Variants in RABGAP1 observed in about 807,000 individuals in gnomAD.
The protein encoded by RABGAP1 is rab GTPase-activating protein 1.
In RABGAP1, 23 loss-of-function variants were observed where a neutral mutation model predicts 137.6. The ratio of observed to expected loss-of-function variants is 0.17; its 90% CI spans 0.12 to 0.24. The LOEUF (loss-of-function observed/expected upper bound fraction) is 0.24, where lower values mean the gene tolerates loss of function less well. Ranked by LOEUF, RABGAP1 falls within the 10% of genes least tolerant of loss-of-function variation. RABGAP1 has a pLI of 1.00. For missense variants in RABGAP1, 906 were observed against 1,275.8 expected (o/e 0.71, Z 4.42); for synonymous variants, 451 against 450.7 (o/e 1.00, Z -0.01).
At chr9:122,975,934 T>C (rs903157165) in intron 2 of RABGAP1, among the ~76,000 whole-genome samples, 9 of 152,296 alleles carry the variant, frequency 5.9e-5, no homozygotes, top group African/African-American at 1.7e-4. Flanking sequence ...AAGCCAGATA[T>C]GTCTTACTTG....
chr9:122,959,023 C>CCTTACT (rs1834698034), intron 2 of RABGAP1, among the ~76,000 whole-genome samples: 1 of 151,804 alleles, frequency 6.6e-6, no homozygotes, highest in African/African-American at 2.4e-5. Flanking sequence ...AAGAAAAAAC[C>CCTTACT]CTTACTCTTA....
At chr9:123,076,113 G>T in intron 17 of RABGAP1, 132 bp from the exon 18 acceptor site, 1 of 909,370 alleles carries the variant, frequency 1.1e-6, no homozygotes, top group East Asian at 2.9e-5. Context: ...TATTTTTCAA[G>T]GTAGTTCTGA....
chr9:123,078,503 G>A (rs991981476), intron 19 of RABGAP1, among the ~76,000 whole-genome samples: 1 of 152,132 alleles, frequency 6.6e-6, no homozygotes, highest in East Asian at 1.9e-4. Flanking sequence ...CTCCCTGATC[G>A]TTAAGTAGAT....
intron 1 of RABGAP1, among the ~76,000 whole-genome samples, chr9:122,947,250 TTG>T (rs1564349811): frequency 6.6e-6 from 1 of 152,176 alleles, no homozygotes; most frequent in Non-Finnish European, 1.5e-5. Flanking sequence ...ATGATAAATA[TTG>T]TGTAATTCCA....
chr9:122,941,126 C>G (rs542764589), intron 1 of RABGAP1, 33 bp downstream of exon 1: 1 of 152,474 alleles, frequency 6.6e-6, no homozygotes, highest in Admixed American at 6.5e-5. Flanking sequence ...CCTCCTCCCA[C>G]CCTCCTACCT....
intron 13 of RABGAP1, chr9:123,020,872 A>G: frequency 2.3e-6 from 2 of 885,870 alleles, no homozygotes; most frequent in Non-Finnish European, 2.7e-6. Context: ...TCTTTAATCT[A>G]AACCATATTC....
chr9:122,943,180 C>T (rs985377741), intron 1 of RABGAP1, among the ~76,000 whole-genome samples: 1 of 145,194 alleles, frequency 6.9e-6, no homozygotes, highest in East Asian at 2.1e-4. Context: ...GTTCAAGGAA[C>T]TGATTCTCCT....
intron 12 of RABGAP1, 92 bp from the exon 13 acceptor site, chr9:123,020,217 G>T: frequency 1.7e-6 from 2 of 1,158,468 alleles, no homozygotes; most frequent in Non-Finnish European, 1.1e-6. Flanking sequence ...TCACGTATTT[G>T]TAAGCCATTT....
chr9:122,987,075 T>A (rs143881823), intron 4 of RABGAP1, among the ~76,000 whole-genome samples: 130 of 152,222 alleles, frequency 8.5e-4, no homozygotes, highest in African/African-American at 2.9e-3. Context: ...AGTTCAAGGC[T>A]TCAGTGAGCT....
intron 2 of RABGAP1, among the ~76,000 whole-genome samples, chr9:122,965,378 A>G (rs1015959847): frequency 6.6e-6 from 1 of 152,050 alleles, no homozygotes; most frequent in Non-Finnish European, 1.5e-5. Flanking sequence ...GCTTTTTACA[A>G]TGTTTGTACT....
At position 122,989,420 on chromosome 9, in the gene RABGAP1, C is replaced by T. The variant is rs976137477; in HGVS notation, c.714C>T (p.Tyr238=). The T allele has an allele frequency of 4.3e-6, 7 of 1,613,928 alleles. No individual in the cohort carries two copies. In the African/African-American group the frequency reaches 8.0e-5, roughly 18 times the overall value. The stretch of plus-strand genomic sequence containing the variant: ...GTTTTGCTTTCACTGAAAGTCATTA[C>T]AATGCAGAGCTCTTCAGAATACACG... ...SDCFAFTESH[Y]NAELFRIHVF... The change falls in exon 5 of 26, where the codon TAC becomes TAT. Residue 238 remains tyrosine, a synonymous_variant. Transcript: ENST00000373647.
At chr9:123,032,360 CG>C (rs2032349436) in intron 13 of RABGAP1, among the ~76,000 whole-genome samples, 1 of 152,162 alleles carries the variant, frequency 6.6e-6, no homozygotes, top group Non-Finnish European at 1.5e-5. Flanking sequence ...ATTGTTCCTT[CG>C]ATGCTATTGG....
chr9:122,966,764 A>G (rs926597773), intron 2 of RABGAP1, among the ~76,000 whole-genome samples: 8 of 152,324 alleles, frequency 5.3e-5, no homozygotes, highest in South Asian at 2.1e-4. Flanking sequence ...ACTGGGAAGA[A>G]AAAGAGGTTT....
At chr9:122,938,299 A>T (rs1027539145), upstream of RABGAP1, 2 of 152,134 alleles carry the variant, frequency 1.3e-5, no homozygotes, top group Non-Finnish European at 2.9e-5. Flanking sequence ...CCTTTAAAAT[A>T]TCCAAGGGCA....
At chr9:123,006,604 T>TTTTA (rs1397283869) in intron 10 of RABGAP1, among the ~76,000 whole-genome samples, 2 of 152,162 alleles carry the variant, frequency 1.3e-5, no homozygotes, top group South Asian at 2.1e-4. Flanking sequence ...TAGACTTTAT[T>TTTTA]TTTATTTATT....
At chr9:123,095,004 C>T (rs543681460) in intron 21 of RABGAP1, among the ~76,000 whole-genome samples, 1 of 151,906 alleles carries the variant, frequency 6.6e-6, no homozygotes, top group Non-Finnish European at 1.5e-5. Flanking sequence ...TTTCCATAAC[C>T]AACTTAGCTA....
At chr9:123,001,328 T>G (rs752894001) in intron 10 of RABGAP1, among the ~76,000 whole-genome samples, 5 of 152,198 alleles carry the variant, frequency 3.3e-5, no homozygotes, top group Non-Finnish European at 7.4e-5. Flanking sequence ...TAAATATACG[T>G]TGAATTGATT....
rs557343531 is a variant in RABGAP1, at chr9:123,021,091, A to G, written c.1794+632A>G. On this transcript the variant is annotated intron_variant, in intron 13 of 25. Transcript: ENST00000373647. ...TTTCGGTTTTAGTTTTAATTTTCTC[A>G]AATTCTTGAAGTGTTTATCTTCAGG... Among the ~76,000 whole-genome samples the G allele has an allele frequency of 3.7e-4, 56 of 152,270 alleles. No individual in the cohort carries two copies. The East Asian group carries it at 0.01, about 27-fold the overall frequency.
intron 13 of RABGAP1, among the ~76,000 whole-genome samples, chr9:123,030,576 C>G (rs1046654536): frequency 6.6e-6 from 1 of 151,930 alleles, no homozygotes; most frequent in Non-Finnish European, 1.5e-5. Context: ...AACATACATA[C>G]TTATGAGGTA....
Sources: allele counts gnomAD v4.1 joint callset (sites outside exome capture counted in the v4.1 genomes callset), GRCh38; gene constraint gnomAD v4.1.1; transcripts MANE v1.5; gene names NCBI Gene and HGNC (gene_info 2026-07-23, HGNC 2026-07-21).